Variants in MAX observed in about 807,000 individuals in gnomAD.
MAX encodes the protein protein max.
MAX carries 3 observed loss-of-function variants against 22.3 expected under a neutral mutation model. The observed-to-expected ratio is 0.13, with a 90% confidence interval of 0.06 to 0.35. MAX has a LOEUF of 0.35. Ranked by LOEUF, MAX falls within the 10% of genes least tolerant of loss-of-function variation. MAX has a pLI of 1.00. For missense variants in MAX, 119 were observed against 209.4 expected (o/e 0.57, Z 2.66); for synonymous variants, 72 against 77.7 (o/e 0.93, Z 0.39).
chr14:65,063,872 T>G (rs908969267), intron 3 of MAX, among the ~76,000 whole-genome samples: 4 of 150,012 alleles, frequency 2.7e-5, no homozygotes, highest in African/African-American at 9.7e-5. Context: ...TGGAGAGATT[T>G]ATTATGTGAC....
At chr14:65,073,355 T>C (rs546698917), downstream of MAX, among the ~76,000 whole-genome samples, 21 of 152,328 alleles carry the variant, frequency 1.4e-4, no homozygotes, top group African/African-American at 4.8e-4. Flanking sequence ...TCTTGTTTTT[T>C]AAACCTGTCT....
chr14:65,101,633 CAAT>C (rs1411891148), intron 1 of MAX, 61 bp from the exon 2 acceptor site: 1 of 1,282,564 alleles, frequency 7.8e-7, no homozygotes, highest in African/African-American at 1.5e-5. Flanking sequence ...ACTTAACATT[CAAT>C]AATAAGAAAG....
Position 65,027,509 on chromosome 14 carries a change from C to T in MAX, c.172-21225G>A. The T allele has an allele frequency of 1.2e-6, 2 of 1,614,076 alleles. No individual in the cohort carries two copies. Among genetic ancestry groups the T allele is most frequent in the Non-Finnish European group, 1.7e-6 (2 of 1,179,996 alleles). On this transcript the variant is annotated intron_variant, in intron 3 of 3. Coordinates refer to the MAX transcript ENST00000341653. This position sits in a 1 kb window ranked among gnomAD's most constrained non-coding sequence, Gnocchi z 5.7. ...CCAGAAGGTGGCTTTGGAGGAGGAC[C>T]CGGTCAGTATCCACACCTTGCACCC...
rs188440951 is a variant in MAX at position 65,084,256 on chromosome 14, C to T, written c.172-6220G>A. ...GTGGCATTTCTGCATCAAACTTTGA[C>T]GATGAAGGACAGGAGTACACAATTT... On this transcript the variant is annotated intron_variant, in intron 3 of 4. Transcript: ENST00000358664. This position sits in a 1 kb window ranked among gnomAD's most constrained non-coding sequence, Gnocchi z 4.3. 1.6e-5 allele frequency: 26 copies of T among 1,613,296 alleles called. No homozygotes were observed. Among genetic ancestry groups the T allele is most frequent in the Admixed American group, 6.7e-5 (4 of 59,978 alleles).
chr14:65,097,382 G>A (rs1044096648), intron 2 of MAX, among the ~76,000 whole-genome samples: 4 of 152,210 alleles, frequency 2.6e-5, no homozygotes, highest in African/African-American at 9.6e-5. Flanking sequence ...CATCACATCA[G>A]TCAGTAATCT....
At position 65,037,745 on chromosome 14, in the gene MAX, T is replaced by TTTA. The variant is rs1203367959; in HGVS notation, c.172-31464_172-31462dup. ...CAGCCTCTTATTTATTTATTTATTA[T>TTTA]TTATTTATTTATTTATTTATTTATT... On this transcript the variant is annotated intron_variant, in intron 3 of 3. Coordinates refer to the MAX transcript ENST00000341653. 6.7e-3 allele frequency among the ~76,000 whole-genome samples: 370 copies of TTTA among 54,972 alleles called. 1 individual carries two copies. The highest frequency in any genetic ancestry group is 0.015 in the African/African-American group (211 of 13,756). 36.1% of individuals were successfully genotyped at this position (54,972 alleles called of 152,430 possible).
At chr14:65,033,324 CAT>C (rs769705479) in intron 3 of MAX, among the ~76,000 whole-genome samples, 13 of 152,126 alleles carry the variant, frequency 8.5e-5, no homozygotes, top group Admixed American at 6.6e-5. Context: ...TGAGAAGAAT[CAT>C]GTGGTAATAA....
At chr14:65,043,563 C>T (rs2062399683) in intron 3 of MAX, among the ~76,000 whole-genome samples, 1 of 152,112 alleles carries the variant, frequency 6.6e-6, no homozygotes, top group African/African-American at 2.4e-5. Context: ...TGGCTCACGC[C>T]TGTAATCCCA....
chr14:65,022,628 A>G (rs1037929776), intron 3 of MAX, among the ~76,000 whole-genome samples: 13 of 152,082 alleles, frequency 8.5e-5, no homozygotes, highest in East Asian at 7.7e-4. Context: ...TGGCCTCCCA[A>G]AGTCTAGGGA....
intron 3 of MAX, among the ~76,000 whole-genome samples, chr14:65,037,384 T>G (rs2062216851): frequency 7.5e-6 from 1 of 133,286 alleles, no homozygotes; most frequent in African/African-American, 2.8e-5. Context: ...ATTATAGGCG[T>G]GAGCCACCAC....
intron 3 of MAX, among the ~76,000 whole-genome samples, chr14:65,021,609 C>A (rs1229744058): frequency 6.6e-6 from 1 of 152,118 alleles, no homozygotes; most frequent in East Asian, 1.9e-4. Flanking sequence ...AATTACTGAG[C>A]CCCAGTGTCA....
intron 3 of MAX, among the ~76,000 whole-genome samples, chr14:65,013,722 A>G (rs979857839): frequency 2.0e-5 from 3 of 151,958 alleles, no homozygotes; most frequent in South Asian, 2.1e-4. Flanking sequence ...TAATTTTTGT[A>G]TTTTTAGTAG....
chr14:65,056,852 CAA>C (rs2062747425), intron 3 of MAX, among the ~76,000 whole-genome samples: 2 of 152,148 alleles, frequency 1.3e-5, no homozygotes, highest in Admixed American at 1.3e-4. Context: ...TGTATAAAGA[CAA>C]GAGGTTTATT....
rs1000120893 is a variant in MAX, at chr14:65,061,045, T to C, written c.171+32663A>G. On this transcript the variant is annotated intron_variant, in intron 3 of 3. Coordinates refer to the MAX transcript ENST00000341653. ...GATAGTTTTAGCAAATACACCATTTTTGAACCTTTGGGCTTTGTGTGTATC... is the reference window on the plus strand; with the variant it reads ...GATAGTTTTAGCAAATACACCATTTCTGAACCTTTGGGCTTTGTGTGTATC... 20 of 1,416,586 alleles carry C rather than the reference T, an allele frequency of 1.4e-5. No individual in the cohort carries two copies. The African/African-American group carries it at 2.9e-4, about 20-fold the overall frequency. 87.8% of individuals were successfully genotyped at this position (1,416,586 alleles called of 1,614,324 possible).
chr14:65,092,805 C>T (rs1162213480), intron 3 of MAX, among the ~76,000 whole-genome samples: 2 of 152,166 alleles, frequency 1.3e-5, no homozygotes, highest in African/African-American at 2.4e-5. Flanking sequence ...TCCAGGACCC[C>T]CACCACAGAA....
chr14:65,075,267 A>G lies in MAX; in HGVS notation c.*1209T>C. 3.8e-6 allele frequency: 4 copies of G among 1,060,688 alleles called. No individual in the cohort carries two copies. The highest frequency in any genetic ancestry group is 4.6e-6 in the Non-Finnish European group (4 of 876,154). The allele number at this position is 1,060,688 out of a possible 1,614,324, so 65.7% of individuals were successfully genotyped here. Reference sequence around the variant, plus strand: ...AACACGAACTGAGACTACAGAGTATACACTAGAAATCAGCAAATGCCAGGA... The same window carrying G: ...AACACGAACTGAGACTACAGAGTATGCACTAGAAATCAGCAAATGCCAGGA... On this transcript the variant is annotated 3_prime_UTR_variant, in exon 5 of 5. Transcript: ENST00000358664. The surrounding 1 kb of genome is among the most constrained non-coding windows in gnomAD (Gnocchi z 4.1).
chr14:65,079,477 C>T lies in MAX; in HGVS notation c.172-1441G>A, dbSNP rs938087854. On this transcript the variant is annotated intron_variant, in intron 3 of 4. Transcript: ENST00000358664. The surrounding 1 kb of genome is among the most constrained non-coding windows in gnomAD (Gnocchi z 4.5). Reference sequence around the variant, plus strand: ...ATTCTCTCCAGGCTACAAACATAGTCAGAGTTACTTATGGCCAGGCAGCCA... The same window carrying T: ...ATTCTCTCCAGGCTACAAACATAGTTAGAGTTACTTATGGCCAGGCAGCCA... Among the ~76,000 whole-genome samples, 9 of 152,220 alleles carry T rather than the reference C, an allele frequency of 5.9e-5. No homozygotes were observed. The highest frequency in any genetic ancestry group is 9.6e-5 in the African/African-American group (4 of 41,452).
rs528426350 is a variant in MAX, at chr14:65,010,160, C to T, written c.172-3876G>A. Among the ~76,000 whole-genome samples, 133 of 152,296 alleles carry T rather than the reference C, an allele frequency of 8.7e-4. 8 individuals are homozygous for T. The South Asian group carries it at 0.024, about 27-fold the overall frequency. ...CACTGTTAAACACCTTCCTGAAATT[C>T]TCTCCTCCCTGATGGCCTGTGACAT... On this transcript the variant is annotated intron_variant, in intron 3 of 3. Coordinates refer to the MAX transcript ENST00000341653.
chr14:65,078,150 G>C lies in MAX; in HGVS notation c.172-114C>G. 1.8e-6 allele frequency: 2 copies of C among 1,090,714 alleles called. No individual in the cohort carries two copies. Among genetic ancestry groups the C allele is most frequent in the Non-Finnish European group, 1.4e-6 (1 of 715,756 alleles). The allele number at this position is 1,090,714 out of a possible 1,614,324, so 67.6% of individuals were successfully genotyped here. The stretch of plus-strand genomic sequence containing the variant: ...GGCTGGAAACGAGAGGGTAAGGTGG[G>C]AAAAGGCTGAAGAAATACAATAATG... On this transcript the variant is annotated intron_variant, in intron 3 of 4. Coordinates refer to ENST00000358664, the MANE Select transcript of MAX (RefSeq NM_002382.5). This position sits in a 1 kb window ranked among gnomAD's most constrained non-coding sequence, Gnocchi z 6.4.
Sources: allele counts gnomAD v4.1 joint callset (sites outside exome capture counted in the v4.1 genomes callset), GRCh38; gene constraint gnomAD v4.1.1; non-coding constraint Gnocchi (gnomAD v3.1); transcripts MANE v1.5; gene names NCBI Gene and HGNC (gene_info 2026-07-23, HGNC 2026-07-21).